ST18: variants seen among roughly 807,000 people sequenced by gnomAD.
ST18 encodes the protein suppression of tumorigenicity 18 protein.
Under a neutral mutation model 110.0 loss-of-function variants are expected in ST18, and 50 were observed. The ratio of observed to expected loss-of-function variants is 0.45; its 90% CI spans 0.36 to 0.58. The LOEUF (loss-of-function observed/expected upper bound fraction) is 0.58. Among genes scored for constraint, ST18 ranks in the 20% least tolerant of loss-of-function variants. ST18 has a pLI of 0.00. For missense variants in ST18, 1,306 were observed against 1,280.1 expected, an observed-to-expected ratio of 1.02 and a Z score of -0.31; for synonymous variants, 461 against 452.4, an observed-to-expected ratio of 1.02 and a Z score of -0.24.
At chr8:52,357,433 A>T (rs1434309564) in intron 2 of ST18, among the ~76,000 whole-genome samples, 1 of 151,772 alleles carries the variant, frequency 6.6e-6, no homozygotes, top group African/African-American at 2.4e-5. Flanking sequence ...TACTTATAAA[A>T]GACTCACTTT....
intron 16 of ST18, among the ~76,000 whole-genome samples, chr8:52,146,394 A>AT (rs1219251445): frequency 2.0e-5 from 3 of 150,548 alleles, no homozygotes; most frequent in Admixed American, 2.0e-4. Context: ...TTCCTATTAA[A>AT]TTTTTCTCAA....
At chr8:52,370,887 T>A (rs772087809) in intron 2 of ST18, among the ~76,000 whole-genome samples, 5 of 152,232 alleles carry the variant, frequency 3.3e-5, no homozygotes, top group Non-Finnish European at 7.3e-5. Context: ...ATAAGCCAAC[T>A]GATCCAGTCT....
chr8:52,206,057 A>C (rs1310482968), intron 8 of ST18, among the ~76,000 whole-genome samples: 1 of 152,220 alleles, frequency 6.6e-6, no homozygotes, highest in Non-Finnish European at 1.5e-5. Context: ...GCACGGCTGC[A>C]GGAGGTGCGG....
intron 2 of ST18, among the ~76,000 whole-genome samples, chr8:52,247,871 G>C (rs1374037416): frequency 6.6e-6 from 1 of 152,098 alleles, no homozygotes; most frequent in Non-Finnish European, 1.5e-5. Flanking sequence ...CATTTTACTT[G>C]AAATTAAAAA....
chr8:52,326,803 G>A (rs986771108), intron 2 of ST18, among the ~76,000 whole-genome samples: 1 of 152,212 alleles, frequency 6.6e-6, no homozygotes, highest in African/African-American at 2.4e-5. Flanking sequence ...TGAGGACAGT[G>A]ATTTAACGCC....
chr8:52,235,662 TG>T (rs2092535783), intron 2 of ST18, among the ~76,000 whole-genome samples: 1 of 152,174 alleles, frequency 6.6e-6, no homozygotes, highest in South Asian at 2.1e-4. Context: ...CTCATACATG[TG>T]AAGCTTAAAA....
At chr8:52,187,173 T>C (rs2072629931) in intron 8 of ST18, among the ~76,000 whole-genome samples, 1 of 152,204 alleles carries the variant, frequency 6.6e-6, no homozygotes, top group Non-Finnish European at 1.5e-5. Flanking sequence ...TAATTGTAGG[T>C]TCTAAACCCA....
intron 2 of ST18, among the ~76,000 whole-genome samples, chr8:52,390,465 G>A (rs1199748600): frequency 2.0e-5 from 3 of 152,044 alleles, no homozygotes; most frequent in African/African-American, 7.3e-5. Context: ...TTTACAAGAA[G>A]GACCACAACA....
chr8:52,385,834 A>T (rs1447160195), intron 2 of ST18, among the ~76,000 whole-genome samples: 1 of 152,178 alleles, frequency 6.6e-6, no homozygotes, highest in Non-Finnish European at 1.5e-5. Context: ...ATGGAATTGC[A>T]GTAGAGTCTG....
At chr8:52,360,733 T>C (rs1228224328) in intron 2 of ST18, among the ~76,000 whole-genome samples, 1 of 152,204 alleles carries the variant, frequency 6.6e-6, no homozygotes, top group Admixed American at 6.6e-5. Flanking sequence ...CACCCATATG[T>C]GTTTAATTCA....
chr8:52,265,708 G>T (rs2094845574), intron 2 of ST18, among the ~76,000 whole-genome samples: 1 of 152,160 alleles, frequency 6.6e-6, no homozygotes, highest in South Asian at 2.1e-4. Context: ...GAAATGTCCT[G>T]GTGGGTTAGG....
chr8:52,161,433 G>A lies in ST18; in HGVS notation c.1536C>T (p.Phe512=), dbSNP rs1397197089. ...CTGTTTGTATGAGAGGGCGTTTACC[G>A]AAAACTTGGGCATCAAAACTGGCAT... ...FDYASFDAQV[F]GKRPLIQTVQ... Residue 512 remains phenylalanine (F), a synonymous_variant, in exon 14 of 26, where the codon TTC becomes TTT. Transcript: ENST00000689386. 14 of 1,614,170 alleles carry A rather than the reference G, an allele frequency of 8.7e-6. No homozygotes were observed. The East Asian group carries it at 1.1e-4, about 13-fold the overall frequency.
chr8:52,325,454 A>T (rs1367378176), intron 2 of ST18, among the ~76,000 whole-genome samples: 3 of 152,210 alleles, frequency 2.0e-5, no homozygotes, highest in Admixed American at 2.0e-4. Flanking sequence ...GTAATCTAAG[A>T]ATGGTCAATT....
intron 11 of ST18, 37 bp downstream of exon 11, chr8:52,166,815 G>C: frequency 2.0e-6 from 3 of 1,511,340 alleles, no homozygotes; most frequent in Non-Finnish European, 2.7e-6. Context: ...GATCTGGCGT[G>C]CATAAGCAGA....
At chr8:52,133,404 A>T in intron 19 of ST18, 103 bp from the exon 20 acceptor site, 1 of 1,374,558 alleles carries the variant, frequency 7.3e-7, no homozygotes, top group South Asian at 1.2e-5. Context: ...TTAATGTTCC[A>T]AGTCTCTGTA....
chr8:52,293,427 T>C (rs2095585891), intron 2 of ST18, among the ~76,000 whole-genome samples: 1 of 152,198 alleles, frequency 6.6e-6, no homozygotes, highest in Admixed American at 6.5e-5. Context: ...ATGTTCTTAG[T>C]GGTAAGTGCG....
At chr8:52,215,799 T>G (rs901144517) in intron 6 of ST18, among the ~76,000 whole-genome samples, 2 of 152,222 alleles carry the variant, frequency 1.3e-5, no homozygotes, top group Non-Finnish European at 2.9e-5. Flanking sequence ...CTTGGTTTAC[T>G]CAGGATAGTA....
intron 2 of ST18, among the ~76,000 whole-genome samples, chr8:52,293,018 T>C (rs1469218959): frequency 6.6e-6 from 1 of 152,244 alleles, no homozygotes; most frequent in African/African-American, 2.4e-5. Flanking sequence ...TGGAAATTAA[T>C]CGATCGTGAG....
At chr8:52,363,728 G>T (rs981869658) in intron 2 of ST18, among the ~76,000 whole-genome samples, 1 of 152,038 alleles carries the variant, frequency 6.6e-6, no homozygotes, top group African/African-American at 2.4e-5. Flanking sequence ...TAATGTAGAA[G>T]AATTCAAGTG....
Sources: gnomAD v4.1 joint callset for allele counts (sites outside exome capture counted in the v4.1 genomes callset) on GRCh38, gnomAD v4.1.1 for gene constraint, MANE v1.5 for transcripts, NCBI Gene and HGNC (gene_info 2026-07-23, HGNC 2026-07-21) for gene names.